DYTN: variants seen among roughly 807,000 people sequenced by gnomAD.
The protein encoded by DYTN is dystrotelin.
In DYTN, 75 loss-of-function variants were observed where a neutral mutation model predicts 69.6. The observed-to-expected ratio is 1.08, with a 90% CI of 0.89 to 1.31. The LOEUF (loss-of-function observed/expected upper bound fraction) is 1.31, where lower values mean the gene tolerates loss of function less well. Ranked by LOEUF, DYTN falls within the 50% of genes most tolerant of loss-of-function variation. The pLI, the probability that DYTN is intolerant of heterozygous loss-of-function variation, is 0.00. For missense variants in DYTN, 726 were observed against 688.4 expected (o/e 1.05, Z -0.61); for synonymous variants, 252 against 249.1 (o/e 1.01, Z -0.11).
At chr2:206,703,295 T>C (rs1699993825) in intron 5 of DYTN, among the ~76,000 whole-genome samples, 1 of 152,116 alleles carries the variant, frequency 6.6e-6, no homozygotes. Context: ...GTCTCACCAG[T>C]CTGATTGCAC....
intron 9 of DYTN, among the ~76,000 whole-genome samples, chr2:206,690,569 G>A (rs143214074): frequency 2.9e-4 from 44 of 152,294 alleles, no homozygotes; most frequent in Admixed American, 3.9e-4. Flanking sequence ...GAAAGGGACC[G>A]CTGAGGTGGT....
At chr2:206,687,601 T>A (rs1699825292) in intron 9 of DYTN, among the ~76,000 whole-genome samples, 1 of 152,128 alleles carries the variant, frequency 6.6e-6, no homozygotes, top group African/African-American at 2.4e-5. Flanking sequence ...TCTTTCTTCC[T>A]TAGGAGATGT....
chr2:206,698,828 A>T (rs989359237), intron 7 of DYTN, among the ~76,000 whole-genome samples: 6 of 152,204 alleles, frequency 3.9e-5, no homozygotes, highest in Non-Finnish European at 7.3e-5. Flanking sequence ...GTTCTCATGA[A>T]TGCTGATGAT....
intron 10 of DYTN, among the ~76,000 whole-genome samples, chr2:206,664,539 A>G (rs748666821): frequency 6.6e-6 from 1 of 151,970 alleles, no homozygotes; most frequent in Non-Finnish European, 1.5e-5. Flanking sequence ...CATGAGCCTG[A>G]GATCCTAGCT....
Position 206,651,797 on chromosome 2 carries a change from C to G in DYTN, c.*21G>C, listed in dbSNP as rs368435160. The G allele has an allele frequency of 1.9e-6, 3 of 1,606,126 alleles. No individual in the cohort carries two copies. The highest frequency in any genetic ancestry group is 2.6e-6 in the Non-Finnish European group (3 of 1,173,326). ...TGCATTTTGTCATCACACCAAGAGG[C>G]CTTTGAGCCTGGACTCCATTTCACT... is the stretch of plus-strand genomic sequence containing the variant. On this transcript the variant is annotated 3_prime_UTR_variant, in exon 12 of 12. Transcript: ENST00000452335.
At chr2:206,668,210 C>T (rs1488677165) in intron 9 of DYTN, among the ~76,000 whole-genome samples, 1 of 152,200 alleles carries the variant, frequency 6.6e-6, no homozygotes, top group East Asian at 1.9e-4. Context: ...CTAACGATGT[C>T]AGGCTCTCTC....
At chr2:206,668,466 T>C (rs1467556895) in intron 9 of DYTN, among the ~76,000 whole-genome samples, 1 of 152,200 alleles carries the variant, frequency 6.6e-6, no homozygotes, top group Non-Finnish European at 1.5e-5. Flanking sequence ...CCCAGGACTT[T>C]CCAGGCAATT....
chr2:206,697,987 A>T (rs1448726963), intron 7 of DYTN, among the ~76,000 whole-genome samples: 1 of 152,154 alleles, frequency 6.6e-6, no homozygotes, highest in Non-Finnish European at 1.5e-5. Flanking sequence ...TCAATGTAAA[A>T]GTTGTGTTTT....
chr2:206,654,366 A>G (rs1699423141), intron 11 of DYTN, among the ~76,000 whole-genome samples: 1 of 152,222 alleles, frequency 6.6e-6, no homozygotes. Context: ...GAGGATGAAG[A>G]TCTTTATGAT....
At chr2:206,708,209 T>G (rs1700046215) in intron 2 of DYTN, among the ~76,000 whole-genome samples, 1 of 152,158 alleles carries the variant, frequency 6.6e-6, no homozygotes, top group South Asian at 2.1e-4. Flanking sequence ...TCTCCTAAAA[T>G]TTTTACAAGG....
intron 1 of DYTN, among the ~76,000 whole-genome samples, chr2:206,714,330 G>A (rs2105903628): frequency 6.6e-6 from 1 of 152,304 alleles, no homozygotes; most frequent in East Asian, 1.9e-4. Flanking sequence ...AGCCTCCCGA[G>A]TAGCTGGGAT....
At chr2:206,668,218 C>T (rs979008427) in intron 9 of DYTN, among the ~76,000 whole-genome samples, 7 of 152,208 alleles carry the variant, frequency 4.6e-5, no homozygotes, top group African/African-American at 1.7e-4. Context: ...GTCAGGCTCT[C>T]TCTTTTCCTC....
At chr2:206,681,619 A>G (rs960483312) in intron 9 of DYTN, among the ~76,000 whole-genome samples, 1 of 152,152 alleles carries the variant, frequency 6.6e-6, no homozygotes, top group Non-Finnish European at 1.5e-5. Flanking sequence ...CCTTTTCTGC[A>G]TCTGTTGAGA....
At chr2:206,689,871 T>C (rs1480248009) in intron 9 of DYTN, among the ~76,000 whole-genome samples, 1 of 152,228 alleles carries the variant, frequency 6.6e-6, no homozygotes, top group African/African-American at 2.4e-5. Flanking sequence ...TTATTATTCA[T>C]TCATTCATTC....
chr2:206,672,412 C>T (rs1284311917), intron 9 of DYTN, among the ~76,000 whole-genome samples: 2 of 152,176 alleles, frequency 1.3e-5, no homozygotes, highest in South Asian at 4.1e-4. Context: ...GTTTTTCCAT[C>T]CTCGTTTGTT....
chr2:206,671,424 G>A (rs888509402), intron 9 of DYTN, among the ~76,000 whole-genome samples: 2 of 152,220 alleles, frequency 1.3e-5, no homozygotes, highest in East Asian at 3.8e-4. Flanking sequence ...AGTGAAATGT[G>A]CCACTGCCTC....
At chr2:206,676,556 C>T (rs1228112498) in intron 9 of DYTN, among the ~76,000 whole-genome samples, 2 of 152,012 alleles carry the variant, frequency 1.3e-5, no homozygotes, top group African/African-American at 4.8e-5. Flanking sequence ...ACGTTCAACA[C>T]ATATATCCCA....
chr2:206,674,246 T>G (rs561441205), intron 9 of DYTN, among the ~76,000 whole-genome samples: 44 of 152,252 alleles, frequency 2.9e-4, no homozygotes, highest in Non-Finnish European at 5.3e-4. Context: ...GGAGTAAAAG[T>G]TGAGCATATT....
chr2:206,716,074 G>A (rs1005850963), intron 1 of DYTN, among the ~76,000 whole-genome samples: 5 of 152,110 alleles, frequency 3.3e-5, no homozygotes, highest in African/African-American at 1.2e-4. Flanking sequence ...GTGGCAGAGC[G>A]AGACTCCATC....
Sources: gnomAD v4.1 joint callset for allele counts (sites outside exome capture counted in the v4.1 genomes callset) on GRCh38, gnomAD v4.1.1 for gene constraint, MANE v1.5 for transcripts, NCBI Gene and HGNC (gene_info 2026-07-23, HGNC 2026-07-21) for gene names.